The following CAMTA1 variants were observed in gnomAD, a reference collection of about 807,000 sequenced individuals.
CAMTA1 encodes calmodulin-binding transcription activator 1.
A neutral mutation model predicts 170.9 loss-of-function variants in CAMTA1; 27 were observed. The ratio of observed to expected loss-of-function variants is 0.16; its 90% CI spans 0.12 to 0.22. The LOEUF (loss-of-function observed/expected upper bound fraction) is 0.22, where lower values mean the gene tolerates loss of function less well. CAMTA1 is among the 10% of genes least tolerant of loss of function. The pLI is 1.00. For synonymous variants in CAMTA1, 833 were observed against 891.5 expected (o/e 0.93, Z 1.17); for missense variants, 1,619 against 2,217.2 (o/e 0.73, Z 5.42).
chr1:7,516,548 G>C (rs1241849048), intron 6 of CAMTA1, among the ~76,000 whole-genome samples: 1 of 152,162 alleles, frequency 6.6e-6, no homozygotes, highest in Non-Finnish European at 1.5e-5. Context: ...AGAGGCACAG[G>C]GTAGACCAGA....
intron 16 of CAMTA1, among the ~76,000 whole-genome samples, chr1:7,743,136 G>A (rs2096830478): frequency 6.6e-6 from 1 of 152,152 alleles, no homozygotes; most frequent in Non-Finnish European, 1.5e-5. Context: ...TTACAGGCCT[G>A]AGCCACCACG....
At chr1:7,421,986 GGCATGGATCTCCA>G in intron 5 of CAMTA1, among the ~76,000 whole-genome samples, 1 of 151,844 alleles carries the variant, frequency 6.6e-6, no homozygotes, top group South Asian at 2.1e-4. Context: ...AGTGGAGGAG[GGCATGGATCTCCA>G]GCATTCCTCA....
At chr1:7,497,969 C>T (rs1258256075) in intron 6 of CAMTA1, among the ~76,000 whole-genome samples, 1 of 152,122 alleles carries the variant, frequency 6.6e-6, no homozygotes, top group African/African-American at 2.4e-5. Context: ...CTGGGCCTCA[C>T]TCGAGGCCCT....
chr1:7,276,087 G>T lies in CAMTA1; in HGVS notation c.438+26461G>T, dbSNP rs78671987. ...AAGGTGTGCAAAGTTGGTTTAACAT[G>T]TGCTAATCAATGTAATTAATTGTAT... On this transcript the variant is annotated intron_variant, in intron 5 of 22. Coordinates refer to ENST00000303635, the MANE Select transcript of CAMTA1 (RefSeq NM_015215.4). 5.7e-3 allele frequency among the ~76,000 whole-genome samples: 866 copies of T among 151,016 alleles called. 31 individuals are homozygous for T. The highest frequency in any genetic ancestry group is 0.043 in the East Asian group (220 of 5,124).
At chr1:7,212,583 C>A (rs1266617207) in intron 4 of CAMTA1, among the ~76,000 whole-genome samples, 2 of 152,166 alleles carry the variant, frequency 1.3e-5, no homozygotes, top group Non-Finnish European at 2.9e-5. Context: ...GTTGTAAGAA[C>A]TAATACAGAG....
chr1:7,704,948 CGGCCGGCGGG>C (rs1426316307), intron 11 of CAMTA1, among the ~76,000 whole-genome samples: 1 of 92,112 alleles, frequency 1.1e-5, no homozygotes, highest in Non-Finnish European at 2.1e-5. Context: ...TCGAGGGCGG[CGGCCGGCGGG>C]GGCGCGCGCG....
chr1:7,217,740 A>G (rs766497409), intron 4 of CAMTA1, among the ~76,000 whole-genome samples: 4 of 152,116 alleles, frequency 2.6e-5, no homozygotes, highest in Admixed American at 2.0e-4. Flanking sequence ...TCAGTTGTTA[A>G]TGGAGTCTCT....
chr1:7,125,697 C>G (rs1459749775), intron 4 of CAMTA1, among the ~76,000 whole-genome samples: 1 of 152,078 alleles, frequency 6.6e-6, no homozygotes, highest in African/African-American at 2.4e-5. Flanking sequence ...TGGGGGCTGG[C>G]GGTTCAGCAG....
chr1:7,577,453 G>A (rs2095210153), intron 6 of CAMTA1, among the ~76,000 whole-genome samples: 1 of 152,158 alleles, frequency 6.6e-6, no homozygotes, highest in African/African-American at 2.4e-5. Context: ...GCCTGTGACT[G>A]GTCGGGAATT....
chr1:7,505,360 A>T (rs1489602463), intron 6 of CAMTA1, among the ~76,000 whole-genome samples: 2 of 152,088 alleles, frequency 1.3e-5, no homozygotes, highest in African/African-American at 4.8e-5. Context: ...GGCCTACCTG[A>T]GGGGTGTGCT....
chr1:7,523,082 G>A (rs202185841), intron 6 of CAMTA1, among the ~76,000 whole-genome samples: 1 of 152,232 alleles, frequency 6.6e-6, no homozygotes, highest in Non-Finnish European at 1.5e-5. Flanking sequence ...GGCCAGGCTG[G>A]TCTCAAACTC....
At chr1:7,027,231 T>G (rs1389959573) in intron 3 of CAMTA1, among the ~76,000 whole-genome samples, 1 of 152,172 alleles carries the variant, frequency 6.6e-6, no homozygotes. Context: ...TCGGTTTGTA[T>G]TTGGATACAC....
chr1:7,207,071 T>C (rs976425608), intron 4 of CAMTA1, among the ~76,000 whole-genome samples: 1 of 152,218 alleles, frequency 6.6e-6, no homozygotes, highest in African/African-American at 2.4e-5. Context: ...AGCTGAGAAG[T>C]GTCTGGCCCT....
At chr1:7,344,921 T>A (rs889733708) in intron 5 of CAMTA1, among the ~76,000 whole-genome samples, 4 of 146,690 alleles carry the variant, frequency 2.7e-5, no homozygotes, top group African/African-American at 7.6e-5. Context: ...TAATTTTTTT[T>A]GTATTTTTTT....
intron 3 of CAMTA1, among the ~76,000 whole-genome samples, chr1:6,843,364 C>G (rs777875983): frequency 2.6e-5 from 4 of 152,218 alleles, no homozygotes; most frequent in Non-Finnish European, 5.9e-5. Flanking sequence ...TTTGGAAAGA[C>G]AGTATTTTAC....
chr1:7,068,881 A>G (rs958951418), intron 3 of CAMTA1, among the ~76,000 whole-genome samples: 3 of 152,134 alleles, frequency 2.0e-5, no homozygotes, highest in African/African-American at 7.2e-5. Flanking sequence ...CAGATATATC[A>G]GCATGTTTTT....
intron 5 of CAMTA1, among the ~76,000 whole-genome samples, chr1:7,367,758 C>G (rs568721935): frequency 3.9e-5 from 6 of 152,394 alleles, no homozygotes; most frequent in African/African-American, 1.4e-4. Flanking sequence ...ACACTGGGCA[C>G]TGATGGTTTT....
chr1:7,155,434 C>T (rs1473164098), intron 4 of CAMTA1, among the ~76,000 whole-genome samples: 4 of 150,672 alleles, frequency 2.7e-5, no homozygotes, highest in African/African-American at 9.8e-5. Context: ...CAGAGCAGGA[C>T]ACGGAGAAGC....
At chr1:7,227,540 G>A (rs1661938618) in intron 4 of CAMTA1, among the ~76,000 whole-genome samples, 1 of 151,892 alleles carries the variant, frequency 6.6e-6, no homozygotes, top group African/African-American at 2.4e-5. Flanking sequence ...TGTTGGTCAG[G>A]CTGGTCTCGA....
Sources: gnomAD v4.1 joint callset for allele counts (sites outside exome capture counted in the v4.1 genomes callset) on GRCh38, gnomAD v4.1.1 for gene constraint, MANE v1.5 for transcripts, NCBI Gene and HGNC (gene_info 2026-07-23, HGNC 2026-07-21) for gene names.